IFNGR1: variants seen among roughly 807,000 people sequenced by gnomAD.
IFNGR1 encodes the protein AVP, type 2.
Under a neutral mutation model 35.4 loss-of-function variants are expected in IFNGR1, and 23 were observed. That is an observed-to-expected ratio of 0.65 (90% CI 0.47 to 0.92). The LOEUF (loss-of-function observed/expected upper bound fraction) is 0.92, where lower values mean the gene tolerates loss of function less well. Among genes scored for constraint, IFNGR1 ranks in the 40% least tolerant of loss-of-function variants. The pLI, the probability that IFNGR1 is intolerant of heterozygous loss-of-function variation, is 0.00. For synonymous variants in IFNGR1, 199 were observed against 209.5 expected, an observed-to-expected ratio of 0.95 and a Z score of 0.43; for missense variants, 533 against 583.4, an observed-to-expected ratio of 0.91 and a Z score of 0.89.
intron 6 of IFNGR1, among the ~76,000 whole-genome samples, chr6:137,199,317 AAT>A (rs1222550276): frequency 1.5e-5 from 2 of 132,928 alleles, no homozygotes; most frequent in African/African-American, 5.6e-5. Context: ...TATATTATAT[AAT>A]ATATAATTTA....
intron 5 of IFNGR1, among the ~76,000 whole-genome samples, chr6:137,201,441 G>A (rs1294513010): frequency 1.3e-5 from 2 of 152,126 alleles, no homozygotes; most frequent in Non-Finnish European, 2.9e-5. Flanking sequence ...TTGGGAAGTC[G>A]AGGTGGGCGG....
In IFNGR1 at chr6:137,199,527, TA is replaced by T. The variant is rs1378878965; in HGVS notation, c.862-889del. On this transcript the variant is annotated intron_variant, in intron 6 of 6. Coordinates refer to ENST00000367739, the MANE Select transcript of IFNGR1 (RefSeq NM_000416.3). ...TATATAATTTATAATATATTATATATAATATATAATATATATTATATAACAT... is the reference window on the plus strand; with the variant it reads ...TATATAATTTATAATATATTATATATATATATAATATATATTATATAACAT... 8.0e-4 allele frequency among the ~76,000 whole-genome samples: 72 copies of T among 90,294 alleles called. 6 individuals are homozygous for T. The highest frequency in any genetic ancestry group is 3.2e-3 in the African/African-American group (72 of 22,848). 59.2% of individuals were successfully genotyped at this position (90,294 alleles called of 152,430 possible). A position where few individuals can be genotyped will look rare whatever the true frequency, so the allele number is the denominator to read the frequency against.
At chr6:137,215,622 C>G (rs1403372021) in intron 1 of IFNGR1, among the ~76,000 whole-genome samples, 1 of 152,194 alleles carries the variant, frequency 6.6e-6, no homozygotes. Flanking sequence ...TGTAAAGCAA[C>G]TTCACTACTG....
chr6:137,218,521 C>T, intron 1 of IFNGR1: 1 of 1,289,118 alleles, frequency 7.8e-7, no homozygotes, highest in Non-Finnish European at 1.0e-6. Context: ...CTGCCACTTA[C>T]TTCTCAGCTG....
In IFNGR1 at chr6:137,204,392, A is replaced by T. The variant is rs1364914247; in HGVS notation, c.486T>A (p.Asp162Glu). 16 of 1,613,850 alleles carry T rather than the reference A, an allele frequency of 9.9e-6. No homozygotes were observed. The highest frequency in any genetic ancestry group is 1.4e-5 in the Non-Finnish European group (16 of 1,179,864). ...VNGDEQEVDY[D>E]PETTCYIRVY... ...CCCTAATGTAACAGGTAGTTTCGGG[A>T]TCATAATCGACTTCCTGCTCGTCTC... Residue 162 changes from aspartate to glutamate, a missense_variant, in exon 4 of 7, where the codon GAT becomes GAA. By Grantham distance (45) the Asp-to-Glu change is conservative. Transcript: ENST00000367739.
Position 137,197,848 on chromosome 6 carries a change from G to T in IFNGR1, c.*183C>A. On this transcript the variant is annotated 3_prime_UTR_variant, in exon 7 of 7. Transcript: ENST00000367739. ...TTTGTTTAAAAAAAAAAAAAAGTCT[G>T]TACTTTACAAGCCAAAAGTGAAAAT... The T allele has an allele frequency of 1.2e-5, 8 of 653,924 alleles. No individual in the cohort carries two copies. The highest frequency in any genetic ancestry group is 2.0e-5 in the Non-Finnish European group (8 of 400,348). The allele number at this position is 653,924 out of a possible 1,614,324, so 40.5% of individuals were successfully genotyped here.
At chr6:137,204,222 T>C in intron 4 of IFNGR1, 110 bp downstream of exon 4, 1 of 911,576 alleles carries the variant, frequency 1.1e-6, no homozygotes, top group Non-Finnish European at 1.8e-6. Flanking sequence ...CTATGATCTG[T>C]GAGTCTTGCT....
At chr6:137,217,017 C>T (rs781290177) in intron 1 of IFNGR1, among the ~76,000 whole-genome samples, 3 of 152,188 alleles carry the variant, frequency 2.0e-5, no homozygotes, top group Non-Finnish European at 4.4e-5. Context: ...AGGGGTCACA[C>T]GGTGCACTCA....
At chr6:137,201,544 G>A (rs2114464937) in intron 5 of IFNGR1, among the ~76,000 whole-genome samples, 1 of 152,140 alleles carries the variant, frequency 6.6e-6, no homozygotes, top group South Asian at 2.1e-4. Flanking sequence ...GTGGTGGCAT[G>A]CGCCTGTAGT....
intron 5 of IFNGR1, among the ~76,000 whole-genome samples, chr6:137,203,019 T>C (rs909901799): frequency 6.6e-6 from 1 of 151,970 alleles, no homozygotes; most frequent in Admixed American, 6.6e-5. Context: ...AAATGACCCA[T>C]TATCTATTAT....
At position 137,210,221 on chromosome 6, in the gene IFNGR1, G is replaced by A. The variant is rs74411305; in HGVS notation, c.86-3144C>T. Among the ~76,000 whole-genome samples, 2,486 of 152,082 alleles carry A rather than the reference G, an allele frequency of 0.016. 205 individuals carry two copies. The South Asian group carries it at 0.26, about 16-fold the overall frequency. Reference sequence around the variant, plus strand: ...CCTGTGCCTGTAGTTTCAGCTACTCGGGAGGCTGAGGAAGATTGCTTGAGC... The same window carrying A: ...CCTGTGCCTGTAGTTTCAGCTACTCAGGAGGCTGAGGAAGATTGCTTGAGC... On this transcript the variant is annotated intron_variant, in intron 1 of 6. Coordinates refer to ENST00000367739, the MANE Select transcript of IFNGR1 (RefSeq NM_000416.3).
chr6:137,197,929 C>A lies in IFNGR1; in HGVS notation c.*102G>T. ...ACTAAGTCACTCCATTTGGTTGATA[C>A]CAACTAAGATACAATTTCTGAGATC... is the stretch of plus-strand genomic sequence containing the variant. On this transcript the variant is annotated 3_prime_UTR_variant, in exon 7 of 7. Coordinates refer to ENST00000367739, the MANE Select transcript of IFNGR1 (RefSeq NM_000416.3). 1 of 1,500,778 alleles carries A rather than the reference C, an allele frequency of 6.7e-7. No homozygotes were observed. Among genetic ancestry groups the A allele is most frequent in the Non-Finnish European group, 9.2e-7 (1 of 1,084,060 alleles). 93.0% of individuals were successfully genotyped at this position (1,500,778 alleles called of 1,614,324 possible).
chr6:137,210,111 G>C (rs1779540238), intron 1 of IFNGR1: 2 of 356,930 alleles, frequency 5.6e-6, no homozygotes, highest in Non-Finnish European at 1.0e-5. Context: ...AGCATTTTGG[G>C]AGGCTGAGGT....
intron 1 of IFNGR1, 32 bp downstream of exon 1, chr6:137,219,210 AC>A (rs1318213757): frequency 1.9e-6 from 3 of 1,584,054 alleles, no homozygotes; most frequent in Admixed American, 1.8e-5. Context: ...TCTCGTCCCG[AC>A]CCGGCCGCAG....
chr6:137,199,915 G>GGACATTTTTTA (rs1779237795), intron 6 of IFNGR1, among the ~76,000 whole-genome samples: 1 of 151,676 alleles, frequency 6.6e-6, no homozygotes, highest in South Asian at 2.1e-4. Context: ...CATTTTTTAA[G>GGACATTTTTTA]AGTGGAGTGA....
At position 137,203,692 on chromosome 6, in the gene IFNGR1, G is replaced by GA. The variant is rs1165328925; in HGVS notation, c.547-8dup. 1 of 1,580,098 alleles carries GA rather than the reference G, an allele frequency of 6.3e-7. No individual in the cohort carries two copies. Among genetic ancestry groups the GA allele is most frequent in the Non-Finnish European group, 8.6e-7 (1 of 1,164,784 alleles). On this transcript the variant is annotated splice_region_variant and splice_polypyrimidine_tract_variant and intron_variant, in intron 4 of 6. Coordinates refer to ENST00000367739, the MANE Select transcript of IFNGR1 (RefSeq NM_000416.3). ...TGAGTATTTTATACTGGATCTAGAT[G>GA]AAAAAAGAAAACAGTGAAAATGCAC...
chr6:137,213,561 C>G (rs1554228052), intron 1 of IFNGR1, among the ~76,000 whole-genome samples: 1 of 152,060 alleles, frequency 6.6e-6, no homozygotes, highest in Non-Finnish European at 1.5e-5. Flanking sequence ...CCTCAGAAAG[C>G]TGATAAGCCA....
At chr6:137,198,753 G>A (rs1014536306) in intron 6 of IFNGR1, 114 bp from the exon 7 acceptor site, 1 of 772,350 alleles carries the variant, frequency 1.3e-6, no homozygotes, top group Non-Finnish European at 2.2e-6. Context: ...TAGGATAATG[G>A]GTGAATCAGA....
At chr6:137,206,721 TA>T in intron 2 of IFNGR1, 1 of 528,486 alleles carries the variant, frequency 1.9e-6, no homozygotes, top group Non-Finnish European at 3.3e-6. Context: ...CTATTAGCTT[TA>T]TTTGTCATGC....
Sources: gnomAD v4.1 joint callset for allele counts (sites outside exome capture counted in the v4.1 genomes callset) on GRCh38, gnomAD v4.1.1 for gene constraint, MANE v1.5 for transcripts, NCBI Gene and HGNC (gene_info 2026-07-23, HGNC 2026-07-21) for gene names.